The following TET3 variants were observed in gnomAD, a reference collection of about 807,000 sequenced individuals.
TET3 encodes tet methylcytosine dioxygenase 3.
Under a neutral mutation model 141.4 loss-of-function variants are expected in TET3, and 19 were observed. The observed-to-expected ratio is 0.13, with a 90% CI of 0.09 to 0.20. TET3 has a LOEUF of 0.20. Ranked by LOEUF, TET3 falls within the 10% of genes least tolerant of loss-of-function variation. The pLI, the probability that TET3 is intolerant of heterozygous loss-of-function variation, is 1.00. For missense variants in TET3, 1,874 were observed against 2,356.9 expected, an observed-to-expected ratio of 0.80 and a Z score of 4.24; for synonymous variants, 1,043 against 980.9, an observed-to-expected ratio of 1.06 and a Z score of -1.18.
chr2:74,115,481 C>T, the TET3 span, among the ~76,000 whole-genome samples: 919 of 151,982 alleles, frequency 6.0e-3, 11 homozygotes, highest in African/African-American at 0.021. Context: ...GTAGACTATT[C>T]GGGTGAACAG....
intron 10 of TET3, among the ~76,000 whole-genome samples, chr2:74,097,118 AAAAAAAAG>A (rs1168756108): frequency 2.6e-5 from 3 of 114,766 alleles, no homozygotes; most frequent in Non-Finnish European, 4.3e-5. Flanking sequence ...AAAAGAAAAA[AAAAAAAAG>A]AAAAGCAGGT....
At chr2:74,118,048 AATCT>A in the TET3 span, among the ~76,000 whole-genome samples, 2 of 152,206 alleles carry the variant, frequency 1.3e-5, no homozygotes, top group African/African-American at 4.8e-5. Context: ...CCGACCCACA[AATCT>A]ATTATAAAAA....
rs1691389442 is a variant in TET3, at chr2:74,104,335, T to C, written c.*2159T>C. On this transcript the variant is annotated 3_prime_UTR_variant, in exon 12 of 12. Transcript: ENST00000409262. ...ATCAGGACTTAGAATTATTCAGAAC[T>C]CAGATTTATAGGAAAACCTCTGACC... 1 of 152,192 alleles carries C rather than the reference T, an allele frequency of 6.6e-6. No individual in the cohort carries two copies. The highest frequency in any genetic ancestry group is 1.5e-5 in the Non-Finnish European group (1 of 68,028). The allele number at this position is 152,192 out of a possible 1,614,324, so 9.4% of individuals were successfully genotyped here.
rs1315316192 is a variant in TET3, at chr2:74,027,516, A to G, written c.361-18762A>G. ...AGAAACCCTGTGGCAAATAGCATTC[A>G]CTCCTCTTTGTTCCCCTAACCCCCT... On this transcript the variant is annotated intron_variant, in intron 3 of 11. Transcript: ENST00000409262. Among the ~76,000 whole-genome samples the G allele has an allele frequency of 4.0e-5, 6 of 150,586 alleles. No homozygotes were observed. In the South Asian group the frequency reaches 1.1e-3, roughly 27 times the overall value.
chr2:74,089,543 C>T, intron 7 of TET3, among the ~76,000 whole-genome samples: 1 of 152,192 alleles, frequency 6.6e-6, no homozygotes, highest in East Asian at 1.9e-4. Flanking sequence ...TTTCCCTGTT[C>T]ATATGGCCTG....
the TET3 span, among the ~76,000 whole-genome samples, chr2:74,114,874 A>AAAAAAAAAAAAAAAAAAAAATG: frequency 6.7e-6 from 1 of 149,646 alleles, no homozygotes; most frequent in African/African-American, 2.5e-5. Flanking sequence ...AAAAAAAAAA[A>AAAAAAAAAAAAAAAAAAAAATG]GATGCTGGGA....
chr2:74,098,832 G>A (rs1485267578), intron 10 of TET3, among the ~76,000 whole-genome samples: 1 of 152,184 alleles, frequency 6.6e-6, no homozygotes, highest in Non-Finnish European at 1.5e-5. Flanking sequence ...GACCTCAGGT[G>A]ATCCACCCGC....
chr2:74,061,736 T>C (rs1233944282), intron 4 of TET3, among the ~76,000 whole-genome samples: 5 of 111,406 alleles, frequency 4.5e-5, no homozygotes, highest in East Asian at 2.9e-4. Flanking sequence ...TCCTCACTTC[T>C]CAGACGGGGC....
chr2:74,088,508 G>T (rs1386745790), intron 7 of TET3, among the ~76,000 whole-genome samples: 3 of 151,950 alleles, frequency 2.0e-5, no homozygotes, highest in African/African-American at 7.3e-5. Flanking sequence ...AGGCGTGGTG[G>T]CACACACCTG....
chr2:74,096,304 G>T (rs1006948957), intron 10 of TET3, among the ~76,000 whole-genome samples: 1 of 152,216 alleles, frequency 6.6e-6, no homozygotes, highest in Admixed American at 6.5e-5. Context: ...AGTCTGGGAA[G>T]AAACAAGCTG....
In TET3 at chr2:74,047,813, T is replaced by C. The variant is rs1380685595; in HGVS notation, c.1896T>C (p.Leu632=). Residue 632 remains leucine, a synonymous_variant, in exon 4 of 12, where the codon CTT becomes CTC. Coordinates refer to ENST00000409262, the MANE Select transcript of TET3 (RefSeq NM_001287491.2). ...TCCGACAGATTGTCCTGGAAGGGCT[T>C]AGGTCCCCAGCCTCCCAGGAAGTGC... is the stretch of plus-strand genomic sequence containing the variant. ...PPVRQIVLEG[L]RSPASQEVQA... 7 of 1,613,288 alleles carry C rather than the reference T, an allele frequency of 4.3e-6. No individual in the cohort carries two copies. The highest frequency in any genetic ancestry group is 5.9e-6 in the Non-Finnish European group (7 of 1,179,670).
At chr2:74,061,101 G>A (rs539909592) in intron 4 of TET3, among the ~76,000 whole-genome samples, 1 of 151,332 alleles carries the variant, frequency 6.6e-6, no homozygotes, top group Admixed American at 6.6e-5. Flanking sequence ...CCGGGCAGAG[G>A]CGCCCCTCAC....
the TET3 span, among the ~76,000 whole-genome samples, chr2:74,119,105 C>A: frequency 2.6e-5 from 4 of 152,230 alleles, no homozygotes; most frequent in African/African-American, 9.6e-5. Context: ...CCTGTAATCC[C>A]AGCACTTTGG....
intron 3 of TET3, among the ~76,000 whole-genome samples, chr2:74,034,745 C>T (rs1316103665): frequency 6.6e-6 from 1 of 152,070 alleles, no homozygotes; most frequent in Non-Finnish European, 1.5e-5. Flanking sequence ...ATGAAAATTT[C>T]TGTACATGTC....
At chr2:73,993,752 G>T (rs1435229837) in intron 2 of TET3, 1 of 152,180 alleles carries the variant, frequency 6.6e-6, no homozygotes, top group Non-Finnish European at 1.5e-5. Context: ...CAGAGAACTT[G>T]TGAATTTGTT....
chr2:74,130,328 G>A, the TET3 span, among the ~76,000 whole-genome samples: 1 of 152,188 alleles, frequency 6.6e-6, no homozygotes, highest in Non-Finnish European at 1.5e-5. Context: ...GCTAAGAAAT[G>A]AGGTCAGCTT....
In TET3 at chr2:74,008,626, G is replaced by A. The variant is rs547314083; in HGVS notation, c.360+5460G>A. ...GACATCTTAATATTTCTGACAGTAT[G>A]AGCTTGACCATCTTCCCCCTACTTT... On this transcript the variant is annotated intron_variant, in intron 3 of 11. Coordinates refer to ENST00000409262, the MANE Select transcript of TET3 (RefSeq NM_001287491.2). Among the ~76,000 whole-genome samples, 6 of 152,296 alleles carry A rather than the reference G, an allele frequency of 3.9e-5. No homozygotes were observed. In the South Asian group the frequency reaches 1.0e-3, roughly 26 times the overall value.
downstream of TET3, among the ~76,000 whole-genome samples, chr2:74,110,717 T>C (rs571996331): frequency 1.3e-4 from 20 of 152,236 alleles, no homozygotes; most frequent in South Asian, 3.9e-3. Context: ...GCCTGCCCAA[T>C]TTCCCTCACC....
chr2:74,037,545 T>C (rs1278212048), intron 3 of TET3, among the ~76,000 whole-genome samples: 2 of 152,164 alleles, frequency 1.3e-5, no homozygotes, highest in African/African-American at 4.8e-5. Context: ...CAGGGTGGGG[T>C]GTTGCCACCA....
Sources: gnomAD v4.1 joint callset for allele counts (sites outside exome capture counted in the v4.1 genomes callset) on GRCh38, gnomAD v4.1.1 for gene constraint, MANE v1.5 for transcripts, NCBI Gene and HGNC (gene_info 2026-07-23, HGNC 2026-07-21) for gene names.